Variants in CD38 observed in about 807,000 individuals in gnomAD.
CD38 encodes the protein CD38 molecule.
CD38 carries 31 observed loss-of-function variants against 36.3 expected under a neutral mutation model. That is an observed-to-expected ratio of 0.85 (90% confidence interval 0.64 to 1.15). The LOEUF (loss-of-function observed/expected upper bound fraction) is 1.15. Ranked by LOEUF, CD38 falls within the 50% of genes most tolerant of loss-of-function variation. The probability of loss-of-function intolerance (pLI) is 0.00; values close to 1 mark genes in which losing one functional copy is unlikely to be tolerated. For synonymous variants in CD38, 131 were observed against 135.2 expected (o/e 0.97, Z 0.22); for missense variants, 380 against 371.9 (o/e 1.02, Z -0.18).
At chr4:15,789,895 A>C (rs1722920724) in intron 1 of CD38, among the ~76,000 whole-genome samples, 1 of 152,132 alleles carries the variant, frequency 6.6e-6, no homozygotes, top group Non-Finnish European at 1.5e-5. Flanking sequence ...CCATAACTTT[A>C]AGGAATAAAT....
intron 1 of CD38, among the ~76,000 whole-genome samples, chr4:15,810,788 C>G (rs970303104): frequency 2.6e-5 from 4 of 152,192 alleles, no homozygotes; most frequent in Non-Finnish European, 5.9e-5. Flanking sequence ...ATTCTCAAAC[C>G]TAAACTTGCA....
chr4:15,786,834 G>C (rs111280180), intron 1 of CD38, among the ~76,000 whole-genome samples: 78 of 152,300 alleles, frequency 5.1e-4, no homozygotes, highest in African/African-American at 1.8e-3. Flanking sequence ...AGGGAGGGTG[G>C]GGGGAGGCTC....
intron 3 of CD38, among the ~76,000 whole-genome samples, chr4:15,830,625 G>A (rs995811309): frequency 5.3e-5 from 8 of 151,962 alleles, no homozygotes; most frequent in Non-Finnish European, 8.8e-5. Context: ...TTTTGCTTTC[G>A]TTGCCTGTGC....
intron 1 of CD38, among the ~76,000 whole-genome samples, chr4:15,779,416 G>C (rs1722637735): frequency 6.6e-6 from 1 of 152,118 alleles, no homozygotes; most frequent in South Asian, 2.1e-4. Flanking sequence ...CTCTCCTAAA[G>C]GGAACAACCA....
At chr4:15,798,361 T>C (rs1232902198) in intron 1 of CD38, among the ~76,000 whole-genome samples, 1 of 152,224 alleles carries the variant, frequency 6.6e-6, no homozygotes, top group African/African-American at 2.4e-5. Context: ...TGTCCTCATA[T>C]ACCTGGAACA....
At position 15,852,885 on chromosome 4, in the gene CD38, C is replaced by T. The variant is rs1248294343; in HGVS notation, c.*4283C>T. On this transcript the variant is annotated 3_prime_UTR_variant, in exon 8 of 8. Transcript: ENST00000226279. ...AGTGCAGTGGCGCGATCTCGGCTCACTGCAGGCTCCACCCCCTGGGGTTCA... is the reference window on the plus strand; with the variant it reads ...AGTGCAGTGGCGCGATCTCGGCTCATTGCAGGCTCCACCCCCTGGGGTTCA... 1 of 150,492 alleles carries T rather than the reference C, an allele frequency of 6.6e-6. No homozygotes were observed. Among genetic ancestry groups the T allele is most frequent in the African/African-American group, 2.5e-5 (1 of 40,656 alleles). 9.3% of individuals were successfully genotyped at this position (150,492 alleles called of 1,614,324 possible).
rs180808779 is a variant in CD38, at chr4:15,830,184, G to T, written c.500-4033G>T. Among the ~76,000 whole-genome samples, 174 of 152,220 alleles carry T rather than the reference G, an allele frequency of 1.1e-3. 1 individual carries two copies. Among genetic ancestry groups the T allele is most frequent in the African/African-American group, 4.0e-3 (166 of 41,534 alleles). On this transcript the variant is annotated intron_variant, in intron 3 of 7. Coordinates refer to ENST00000226279, the MANE Select transcript of CD38 (RefSeq NM_001775.4). ...AACCTCAAAACTGTTCTCCATAGTG[G>T]TTGTACTAATTCACATTCCCACCAA...
At chr4:15,780,534 A>ATG (rs1722671550) in intron 1 of CD38, among the ~76,000 whole-genome samples, 2 of 144,172 alleles carry the variant, frequency 1.4e-5, no homozygotes, top group African/African-American at 5.4e-5. Context: ...ACACACACAC[A>ATG]CACACACACA....
chr4:15,842,261 C>T (rs1237922560), intron 7 of CD38, among the ~76,000 whole-genome samples: 5 of 133,396 alleles, frequency 3.7e-5, no homozygotes, highest in Admixed American at 7.2e-5. Flanking sequence ...CCCTGACCCC[C>T]GAGCAGCCTA....
chr4:15,787,621 G>C (rs2148914525), intron 1 of CD38, among the ~76,000 whole-genome samples: 1 of 152,312 alleles, frequency 6.6e-6, no homozygotes, highest in Non-Finnish European at 1.5e-5. Context: ...AATCTTTGTA[G>C]GTAAAGCGGC....
chr4:15,821,926 C>T (rs1285678350), intron 2 of CD38, among the ~76,000 whole-genome samples: 6 of 151,530 alleles, frequency 4.0e-5, no homozygotes, highest in Admixed American at 6.6e-5. Flanking sequence ...TGAAGAACAT[C>T]GATACAAAAA....
intron 2 of CD38, among the ~76,000 whole-genome samples, chr4:15,820,123 C>G (rs1304548500): frequency 6.6e-6 from 1 of 152,136 alleles, no homozygotes; most frequent in Non-Finnish European, 1.5e-5. Flanking sequence ...GAAATAAAAT[C>G]TTTTTCAGAC....
chr4:15,839,567 G>T (rs1724156059), intron 5 of CD38, among the ~76,000 whole-genome samples: 1 of 151,542 alleles, frequency 6.6e-6, no homozygotes, highest in African/African-American at 2.4e-5. Flanking sequence ...GGGACTACAG[G>T]CACCCACCAC....
chr4:15,847,422 G>T (rs1425597504), intron 7 of CD38, among the ~76,000 whole-genome samples: 1 of 42,730 alleles, frequency 2.3e-5, no homozygotes. Flanking sequence ...GGTCGGGGGA[G>T]GGGGGAGGGA....
chr4:15,796,132 A>C (rs1463125388), intron 1 of CD38, among the ~76,000 whole-genome samples: 1 of 152,146 alleles, frequency 6.6e-6, no homozygotes, highest in Non-Finnish European at 1.5e-5. Flanking sequence ...AATAAAGGCA[A>C]AGAAGGACTG....
chr4:15,780,200 T>C (rs949199006), intron 1 of CD38, among the ~76,000 whole-genome samples: 9 of 152,212 alleles, frequency 5.9e-5, no homozygotes, highest in Non-Finnish European at 1.3e-4. Flanking sequence ...TTTTAAGTTT[T>C]GATTTTTCCA....
intron 1 of CD38, among the ~76,000 whole-genome samples, chr4:15,811,204 TC>T (rs563468691): frequency 6.6e-6 from 1 of 152,352 alleles, no homozygotes; most frequent in South Asian, 2.1e-4. Context: ...AATATTTTAA[TC>T]CATTCTGTGA....
chr4:15,803,172 A>G (rs1352498321), intron 1 of CD38, among the ~76,000 whole-genome samples: 2 of 152,182 alleles, frequency 1.3e-5, no homozygotes, highest in Non-Finnish European at 2.9e-5. Flanking sequence ...TAAGTGTAAG[A>G]CCCCAAATTA....
Position 15,815,694 on chromosome 4 carries a change from T to A in CD38, c.234-817T>A, listed in dbSNP as rs558517361. ...ACGTTGGGGTTTTCTAAATATACAATCATGTCATCTGCACACAGAGACAAT... is the reference window on the plus strand; with the variant it reads ...ACGTTGGGGTTTTCTAAATATACAAACATGTCATCTGCACACAGAGACAAT... On this transcript the variant is annotated intron_variant, in intron 1 of 7. Transcript: ENST00000226279. Among the ~76,000 whole-genome samples the A allele has an allele frequency of 1.2e-4, 19 of 152,240 alleles. No individual in the cohort carries two copies. In the South Asian group the frequency reaches 3.7e-3, roughly 30 times the overall value.
Sources: allele counts gnomAD v4.1 joint callset (sites outside exome capture counted in the v4.1 genomes callset), GRCh38; gene constraint gnomAD v4.1.1; transcripts MANE v1.5; gene names NCBI Gene and HGNC (gene_info 2026-07-23, HGNC 2026-07-21).